The following TENM4 variants were observed in gnomAD, a reference collection of about 807,000 sequenced individuals.
The protein encoded by TENM4 is teneurin-4.
Under a neutral mutation model 243.3 loss-of-function variants are expected in TENM4, and 82 were observed. The observed-to-expected ratio is 0.34, with a 90% CI of 0.28 to 0.40. TENM4 has a LOEUF of 0.40. Ranked by LOEUF, TENM4 falls within the 10% of genes least tolerant of loss-of-function variation. TENM4 has a pLI of 1.00. For synonymous variants in TENM4, 1,412 were observed against 1,456.3 expected, an observed-to-expected ratio of 0.97 and a Z score of 0.69; for missense variants, 3,138 against 3,673.3, an observed-to-expected ratio of 0.85 and a Z score of 3.77.
At chr11:78,719,400 T>TATATA (rs138701269) in intron 25 of TENM4, among the ~76,000 whole-genome samples, 64,485 of 151,488 alleles carry the variant, frequency 0.43, 17,231 homozygotes, top group African/African-American at 0.76. Flanking sequence ...ATTTACTACT[T>TATATA]ATAAATATAT....
chr11:78,870,495 T>G (rs1455781238), intron 9 of TENM4, among the ~76,000 whole-genome samples: 3 of 152,202 alleles, frequency 2.0e-5, no homozygotes, highest in Non-Finnish European at 4.4e-5. Flanking sequence ...AGGATCCCAC[T>G]GATGACTACG....
intron 23 of TENM4, 26 bp from the exon 24 acceptor site, chr11:78,722,943 C>T (rs1469231370): frequency 6.2e-7 from 1 of 1,604,378 alleles, no homozygotes; most frequent in Non-Finnish European, 8.5e-7. Flanking sequence ...AACAGAATTG[C>T]CTGTGGAGCA....
intron 27 of TENM4, among the ~76,000 whole-genome samples, chr11:78,706,625 A>C (rs996830962): frequency 6.6e-6 from 1 of 152,182 alleles, no homozygotes; most frequent in African/African-American, 2.4e-5. Flanking sequence ...GGATTTCTGA[A>C]TCTAAGTGTG....
At position 79,438,044 on chromosome 11, in the gene TENM4, A is replaced by G. The variant is rs1859315030; in HGVS notation, c.-321+2465T>C. ...GAGGATTTATTTTACAGCAAGGAAC[A>G]GATTCAGACAGATCGGGGATTTCAG... On this transcript the variant is annotated intron_variant, in intron 1 of 33. Coordinates refer to ENST00000278550, the MANE Select transcript of TENM4 (RefSeq NM_001098816.3). This position sits in a 1 kb window ranked among gnomAD's most constrained non-coding sequence, Gnocchi z 4.1. Among the ~76,000 whole-genome samples, 1 of 152,188 alleles carries G rather than the reference A, an allele frequency of 6.6e-6. No individual in the cohort carries two copies. The highest frequency in any genetic ancestry group is 2.4e-5 in the African/African-American group (1 of 41,454).
At chr11:78,824,210 A>C (rs1857799271) in intron 12 of TENM4, among the ~76,000 whole-genome samples, 1 of 152,226 alleles carries the variant, frequency 6.6e-6, no homozygotes, top group African/African-American at 2.4e-5. Flanking sequence ...AAGAGGCTTA[A>C]ACGGCTCATG....
intron 1 of TENM4, among the ~76,000 whole-genome samples, chr11:79,437,553 C>T (rs899376224): frequency 6.6e-6 from 1 of 152,216 alleles, no homozygotes; most frequent in Non-Finnish European, 1.5e-5. Flanking sequence ...ACCGCTGCTC[C>T]GGCCACCGAG....
chr11:78,687,950 G>C (rs1428915599), intron 29 of TENM4, 104 bp downstream of exon 29: 8 of 1,377,144 alleles, frequency 5.8e-6, no homozygotes, highest in Non-Finnish European at 8.0e-6. Flanking sequence ...ATGCTTTCCT[G>C]TTCTTGGGCA....
chr11:78,959,343 AT>A (rs796367690), intron 6 of TENM4, among the ~76,000 whole-genome samples: 2 of 152,114 alleles, frequency 1.3e-5, no homozygotes, highest in Admixed American at 1.3e-4. Flanking sequence ...ATAATTTCAC[AT>A]TTTTTCCATG....
intron 25 of TENM4, among the ~76,000 whole-genome samples, chr11:78,716,769 G>C (rs1359496871): frequency 1.3e-5 from 2 of 152,222 alleles, no homozygotes; most frequent in South Asian, 4.1e-4. Flanking sequence ...GTGCCACCTG[G>C]AGCCCTTGCT....
intron 33 of TENM4, among the ~76,000 whole-genome samples, chr11:78,661,181 G>A (rs1858021062): frequency 6.6e-6 from 1 of 152,180 alleles, no homozygotes. Context: ...TAGTGACCAA[G>A]GCTTATTATT....
intron 6 of TENM4, among the ~76,000 whole-genome samples, chr11:79,045,543 C>A (rs192258992): frequency 1.3e-5 from 2 of 152,278 alleles, no homozygotes; most frequent in East Asian, 1.9e-4. Flanking sequence ...CACCCCACCC[C>A]CTTACTGACA....
At chr11:79,045,809 G>A (rs528621637) in intron 6 of TENM4, among the ~76,000 whole-genome samples, 20 of 151,590 alleles carry the variant, frequency 1.3e-4, no homozygotes, top group African/African-American at 4.8e-4. Flanking sequence ...TTGCCTGCTG[G>A]TTAATTCTAA....
At chr11:78,974,839 C>T (rs1313481695) in intron 6 of TENM4, among the ~76,000 whole-genome samples, 3 of 151,692 alleles carry the variant, frequency 2.0e-5, no homozygotes, top group Non-Finnish European at 4.4e-5. Context: ...GGCATGCCAC[C>T]ATGCCTGGCT....
intron 3 of TENM4, among the ~76,000 whole-genome samples, chr11:79,189,630 C>T (rs867415408): frequency 2.0e-5 from 3 of 152,224 alleles, no homozygotes; most frequent in South Asian, 2.1e-4. Context: ...AAGTCCAAAG[C>T]TAGGTCTTAA....
intron 19 of TENM4, among the ~76,000 whole-genome samples, chr11:78,741,067 G>C (rs1322395788): frequency 6.6e-6 from 1 of 152,164 alleles, no homozygotes; most frequent in South Asian, 2.1e-4. Flanking sequence ...TTCCATCCCT[G>C]TTCTGTTTTC....
intron 17 of TENM4, among the ~76,000 whole-genome samples, chr11:78,774,315 G>A (rs966146887): frequency 2.6e-5 from 4 of 152,102 alleles, no homozygotes; most frequent in Admixed American, 6.5e-5. Context: ...CTTGTGTAAC[G>A]TTTAGGTCAA....
At chr11:79,063,580 C>G (rs767356149) in intron 6 of TENM4, among the ~76,000 whole-genome samples, 1 of 152,174 alleles carries the variant, frequency 6.6e-6, no homozygotes, top group East Asian at 1.9e-4. Flanking sequence ...GGACCCACCT[C>G]GGTGCTGACC....
intron 2 of TENM4, among the ~76,000 whole-genome samples, chr11:79,230,099 A>G (rs1864347225): frequency 6.7e-6 from 1 of 150,344 alleles, no homozygotes; most frequent in Non-Finnish European, 1.5e-5. Context: ...TTCTTCAGGT[A>G]GACTATGAAC....
At chr11:79,164,982 TG>T (rs1232553735) in intron 3 of TENM4, among the ~76,000 whole-genome samples, 1 of 151,904 alleles carries the variant, frequency 6.6e-6, no homozygotes, top group Non-Finnish European at 1.5e-5. Flanking sequence ...TGTGTGTGTG[TG>T]TGTGTGTGTG....
Sources: gnomAD v4.1 joint callset for allele counts (sites outside exome capture counted in the v4.1 genomes callset) on GRCh38, gnomAD v4.1.1 for gene constraint, Gnocchi (gnomAD v3.1) non-coding constraint, MANE v1.5 for transcripts, NCBI Gene and HGNC (gene_info 2026-07-23, HGNC 2026-07-21) for gene names.